CSMD1: variants seen among roughly 807,000 people sequenced by gnomAD.
CSMD1 encodes the protein CUB and sushi domain-containing protein 1.
A neutral mutation model predicts 417.5 loss-of-function variants in CSMD1; 213 were observed. The ratio of observed to expected loss-of-function variants is 0.51; its 90% CI spans 0.46 to 0.57. The LOEUF is 0.57. Ranked by LOEUF, CSMD1 falls within the 20% of genes least tolerant of loss-of-function variation. The pLI is 0.00. For synonymous variants in CSMD1, 2,862 were observed against 1,736.8 expected (o/e 1.65, Z -16.11); for missense variants, 6,923 against 4,529.7 (o/e 1.53, Z -15.17).
intron 2 of CSMD1, among the ~76,000 whole-genome samples, chr8:4,471,932 T>G (rs1262665242): frequency 6.6e-6 from 1 of 152,092 alleles, no homozygotes; most frequent in Non-Finnish European, 1.5e-5. Flanking sequence ...TAACAGGGAC[T>G]TTATAGAGGG....
chr8:4,149,756 G>A (rs1177404297), intron 3 of CSMD1, among the ~76,000 whole-genome samples: 1 of 152,160 alleles, frequency 6.6e-6, no homozygotes, highest in Non-Finnish European at 1.5e-5. Context: ...CATCCAGCCA[G>A]GCCTTGCTGG....
At chr8:4,622,340 G>A (rs929118100) in intron 2 of CSMD1, among the ~76,000 whole-genome samples, 3 of 152,066 alleles carry the variant, frequency 2.0e-5, no homozygotes, top group African/African-American at 7.2e-5. Flanking sequence ...AATGCATGCT[G>A]AGGCTCAACA....
chr8:2,939,724 C>T (rs599814), intron 69 of CSMD1, among the ~76,000 whole-genome samples: 110,882 of 152,162 alleles, frequency 0.73, 40,612 homozygotes, highest in East Asian at 0.88. Flanking sequence ...AAGAGAAGTA[C>T]GTGGCACATG....
At chr8:3,721,029 G>T (rs749088449) in intron 6 of CSMD1, among the ~76,000 whole-genome samples, 20 of 151,964 alleles carry the variant, frequency 1.3e-4, no homozygotes, top group Non-Finnish European at 2.4e-4. Context: ...CACCATGTTA[G>T]TCACGCTGGT....
At chr8:4,570,550 G>T (rs1798839771) in intron 2 of CSMD1, among the ~76,000 whole-genome samples, 1 of 152,140 alleles carries the variant, frequency 6.6e-6, no homozygotes, top group South Asian at 2.1e-4. Flanking sequence ...ATTTTATTGA[G>T]GATTTTCACA....
Position 2,973,127 on chromosome 8 carries a change from C to A in CSMD1, c.8913G>T (p.Pro2971=). The change falls in exon 57 of 70, where the codon CCG becomes CCT. Residue 2971 remains proline (P), a synonymous_variant. Transcript: ENST00000635120. Reference sequence around the variant, plus strand: ...CTTCTGGCTACTCACCCTCACACACCGGCTGCAGTCCTGACCATGACCCAT... The same window carrying A: ...CTTCTGGCTACTCACCCTCACACACAGGCTGCAGTCCTGACCATGACCCAT... ...LLNGSWSGLQ[P]VCEAVSCGNP... The A allele has an allele frequency of 6.2e-7, 1 of 1,613,466 alleles. No homozygotes were observed. Among genetic ancestry groups the A allele is most frequent in the Non-Finnish European group, 8.5e-7 (1 of 1,179,570 alleles).
At chr8:4,341,302 T>C (rs1800462922) in intron 3 of CSMD1, among the ~76,000 whole-genome samples, 1 of 152,124 alleles carries the variant, frequency 6.6e-6, no homozygotes, top group African/African-American at 2.4e-5. Context: ...TCAAATATAT[T>C]AAGCAATCAA....
intron 5 of CSMD1, among the ~76,000 whole-genome samples, chr8:3,847,742 G>C (rs1408306133): frequency 1.3e-5 from 2 of 152,084 alleles, no homozygotes; most frequent in Non-Finnish European, 2.9e-5. Flanking sequence ...CCCTGACACT[G>C]CAGTTCCAGC....
chr8:3,476,642 C>G (rs947754724), intron 11 of CSMD1, among the ~76,000 whole-genome samples: 5 of 152,084 alleles, frequency 3.3e-5, no homozygotes, highest in African/African-American at 1.2e-4. Context: ...ATCAGCCAGG[C>G]TTGGTGGCTT....
intron 7 of CSMD1, among the ~76,000 whole-genome samples, chr8:3,699,763 G>A (rs1023258633): frequency 5.9e-5 from 9 of 152,146 alleles, no homozygotes; most frequent in African/African-American, 2.2e-4. Flanking sequence ...CGCAACGAGG[G>A]ACTGTTGAAT....
chr8:4,910,023 G>A (rs1287230338), intron 1 of CSMD1, among the ~76,000 whole-genome samples: 1 of 152,122 alleles, frequency 6.6e-6, no homozygotes, highest in African/African-American at 2.4e-5. Flanking sequence ...CAGCATATAT[G>A]AATAACCAAT....
chr8:4,970,514 C>G (rs17433573), intron 1 of CSMD1, among the ~76,000 whole-genome samples: 38,909 of 151,996 alleles, frequency 0.26, 6,332 homozygotes, highest in Non-Finnish European at 0.37. Context: ...GAGGTTTCTT[C>G]TTAAACTATA....
chr8:4,147,147 T>C (rs1240077844), intron 3 of CSMD1, among the ~76,000 whole-genome samples: 1 of 151,828 alleles, frequency 6.6e-6, no homozygotes, highest in African/African-American at 2.4e-5. Context: ...CCTCACATGA[T>C]TCTTCTTCTA....
At chr8:2,950,507 C>T (rs1022876404) in intron 66 of CSMD1, among the ~76,000 whole-genome samples, 164 bp from the exon 67 acceptor site, 6 of 152,100 alleles carry the variant, frequency 3.9e-5, no homozygotes, top group African/African-American at 1.4e-4. Context: ...TAGGAGCTTC[C>T]ATTTTCCCCT....
At chr8:4,720,553 G>C (rs1418985605) in intron 1 of CSMD1, among the ~76,000 whole-genome samples, 1 of 152,196 alleles carries the variant, frequency 6.6e-6, no homozygotes, top group East Asian at 1.9e-4. Flanking sequence ...GAATAGCTGA[G>C]ATTAAAGGCA....
At chr8:3,285,225 T>A (rs888611667) in intron 25 of CSMD1, among the ~76,000 whole-genome samples, 1 of 152,180 alleles carries the variant, frequency 6.6e-6, no homozygotes, top group Admixed American at 6.5e-5. Context: ...TGCTTTGTTT[T>A]GCATATATTA....
intron 1 of CSMD1, among the ~76,000 whole-genome samples, chr8:4,980,330 G>C (rs1015696979): frequency 1.3e-5 from 2 of 152,166 alleles, no homozygotes; most frequent in African/African-American, 2.4e-5. Flanking sequence ...ATTACATTAG[G>C]AGAGAATCAG....
At chr8:3,078,283 T>A (rs1368692811) in intron 49 of CSMD1, among the ~76,000 whole-genome samples, 5 of 152,206 alleles carry the variant, frequency 3.3e-5, no homozygotes, top group Non-Finnish European at 2.9e-5. Flanking sequence ...ACTACAATAC[T>A]GCTTTTATTA....
At chr8:4,405,877 T>G (rs1344692476) in intron 3 of CSMD1, among the ~76,000 whole-genome samples, 2 of 152,146 alleles carry the variant, frequency 1.3e-5, no homozygotes, top group African/African-American at 4.8e-5. Flanking sequence ...GAAATGCATG[T>G]GGTTATTTTT....
Sources: allele counts gnomAD v4.1 joint callset (sites outside exome capture counted in the v4.1 genomes callset), GRCh38; gene constraint gnomAD v4.1.1; transcripts MANE v1.5; gene names NCBI Gene and HGNC (gene_info 2026-07-23, HGNC 2026-07-21).